Variants in PCDHGA9 observed in about 807,000 individuals in gnomAD.
The protein encoded by PCDHGA9 is protocadherin gamma-A9.
In PCDHGA9, 37 loss-of-function variants were observed where a neutral mutation model predicts 62.5. The ratio of observed to expected loss-of-function variants is 0.59; its 90% CI spans 0.46 to 0.78. The LOEUF is 0.78. Among genes scored for constraint, PCDHGA9 ranks in the 30% least tolerant of loss-of-function variants. The pLI, the probability that PCDHGA9 is intolerant of heterozygous loss-of-function variation, is 0.00. For synonymous variants in PCDHGA9, 459 were observed against 484.6 expected (o/e 0.95, Z 0.69); for missense variants, 1,138 against 1,166.2 (o/e 0.98, Z 0.35).
intron 1 of PCDHGA9, chr5:141,410,564 T>C: frequency 6.2e-7 from 1 of 1,612,612 alleles, no homozygotes; most frequent in Non-Finnish European, 8.5e-7. Context: ...TCCTGGAGCC[T>C]TAATTCCACC....
At chr5:141,418,687 G>T (rs758554600) in intron 1 of PCDHGA9, 1 of 1,613,928 alleles carries the variant, frequency 6.2e-7, no homozygotes, top group African/African-American at 1.3e-5. Context: ...TCAACTCAGA[G>T]ATCACTTATT....
chr5:141,482,514 G>A (rs2099563611), intron 1 of PCDHGA9, among the ~76,000 whole-genome samples: 1 of 130,122 alleles, frequency 7.7e-6, no homozygotes. Flanking sequence ...CCAGAGTACA[G>A]TATGAGACAG....
In PCDHGA9 at chr5:141,488,435, C is replaced by T. The variant is rs111661764; in HGVS notation, c.2425-6372C>T. Among the ~76,000 whole-genome samples, 87 of 152,276 alleles carry T rather than the reference C, an allele frequency of 5.7e-4. 1 individual carries two copies. The highest frequency in any genetic ancestry group is 1.6e-3 in the African/African-American group (67 of 41,546). On this transcript the variant is annotated intron_variant, in intron 1 of 3. Transcript: ENST00000573521. ...AAGCCATCCATGCTTGGCCTCTGAC[C>T]ACCCTCCTGGGTGACCTGATTCAGC...
At position 141,491,265 on chromosome 5, in the gene PCDHGA9, C is replaced by G. The variant is rs868682993; in HGVS notation, c.2425-3542C>G. ...AGGATGAGGACCCTGAGGAAATGCCCAAATCCAGTGACTTCCTCATACACC... is the reference window on the plus strand; with the variant it reads ...AGGATGAGGACCCTGAGGAAATGCCGAAATCCAGTGACTTCCTCATACACC... On this transcript the variant is annotated intron_variant, in intron 1 of 3. Transcript: ENST00000573521. The surrounding 1 kb of genome is among the most constrained non-coding windows in gnomAD (Gnocchi z 6.9). The G allele has an allele frequency of 6.2e-7, 1 of 1,614,074 alleles. No individual in the cohort carries two copies. The highest frequency in any genetic ancestry group is 8.5e-7 in the Non-Finnish European group (1 of 1,179,916).
At position 141,487,447 on chromosome 5, in the gene PCDHGA9, C is replaced by A. The variant is rs758411138; in HGVS notation, c.2425-7360C>A. 4.3e-6 allele frequency: 7 copies of A among 1,614,182 alleles called. No homozygotes were observed. The highest frequency in any genetic ancestry group is 5.9e-6 in the Non-Finnish European group (7 of 1,180,028). Reference sequence around the variant, plus strand: ...TCCGAATCCAGCTAGGGTCAGATGACCCTATCAAGTTTGTTGATGTGGGAG... The same window carrying A: ...TCCGAATCCAGCTAGGGTCAGATGAACCTATCAAGTTTGTTGATGTGGGAG... On this transcript the variant is annotated intron_variant, in intron 1 of 3. Coordinates refer to ENST00000573521, the MANE Select transcript of PCDHGA9 (RefSeq NM_018921.3). The surrounding 1 kb of genome is among the most constrained non-coding windows in gnomAD (Gnocchi z 5.0).
chr5:141,419,121 C>T, intron 1 of PCDHGA9: 5 of 1,613,882 alleles, frequency 3.1e-6, no homozygotes, highest in Non-Finnish European at 3.4e-6. Flanking sequence ...TACAACGTCA[C>T]CATCGCAGCC....
At chr5:141,501,127 T>C (rs2099805755) in intron 2 of PCDHGA9, among the ~76,000 whole-genome samples, 5 of 152,024 alleles carry the variant, frequency 3.3e-5, no homozygotes, top group Non-Finnish European at 7.4e-5. Context: ...TCAGCCTCCC[T>C]AAGTGCTGGG....
rs1485669709 is a variant in PCDHGA9 at position 141,432,989 on chromosome 5, G to A, written c.2424+27613G>A. On this transcript the variant is annotated intron_variant, in intron 1 of 3. Coordinates refer to ENST00000573521, the MANE Select transcript of PCDHGA9 (RefSeq NM_018921.3). The surrounding 1 kb of genome is among the most constrained non-coding windows in gnomAD (Gnocchi z 6.0). ...GCCGGCGTCGCACTTTGTGGGCGTG[G>A]ACGGGGTGCAGGCTTTCCTGCAGAC... The A allele has an allele frequency of 1.9e-6, 3 of 1,614,210 alleles. No individual in the cohort carries two copies. The highest frequency in any genetic ancestry group is 1.3e-5 in the African/African-American group (1 of 75,066).
At chr5:141,468,428 T>C (rs936671539) in intron 1 of PCDHGA9, 11 of 151,374 alleles carry the variant, frequency 7.3e-5, no homozygotes, top group Non-Finnish European at 1.3e-4. Context: ...AGCAAGGTAA[T>C]AGCAAAATGT....
Position 141,485,979 on chromosome 5 carries a change from C to T in PCDHGA9, c.2425-8828C>T. ...CTCATCCAGCTCAATGCCTCAGACC[C>T]GGACCTGGGTCCCAGTGGTAACGTC... is the stretch of plus-strand genomic sequence containing the variant. On this transcript the variant is annotated intron_variant, in intron 1 of 3. Coordinates refer to ENST00000573521, the MANE Select transcript of PCDHGA9 (RefSeq NM_018921.3). The surrounding 1 kb of genome is among the most constrained non-coding windows in gnomAD (Gnocchi z 5.7). The T allele has an allele frequency of 1.2e-6, 2 of 1,614,182 alleles. No individual in the cohort carries two copies. The highest frequency in any genetic ancestry group is 1.7e-6 in the Non-Finnish European group (2 of 1,180,022).
In PCDHGA9 at chr5:141,404,285, A is replaced by T. The variant is rs1195722797; in HGVS notation, c.1333A>T (p.Ile445Phe). Residue 445 changes from isoleucine (I) to phenylalanine (F), a missense_variant, in exon 1 of 4, where the codon ATC becomes TTC. Transcript: ENST00000573521. ...TCACATCACCCTGCAAGTGACTGAC[A>T]TCAATGATAATCCACCTGCTTTCTC... ...EIHITLQVTD[I>F]NDNPPAFSQA... is the part of the protein sequence containing the mutation. 1.9e-6 allele frequency: 3 copies of T among 1,614,026 alleles called. No individual in the cohort carries two copies. Among genetic ancestry groups the T allele is most frequent in the East Asian group, 4.5e-5 (2 of 44,882 alleles).
At chr5:141,481,524 A>G (rs186970700) in intron 1 of PCDHGA9, among the ~76,000 whole-genome samples, 4 of 152,240 alleles carry the variant, frequency 2.6e-5, no homozygotes, top group African/African-American at 9.6e-5. Flanking sequence ...CTCAGTAAAA[A>G]TCTAGAGATG....
Position 141,404,648 on chromosome 5 carries a change from G to C in PCDHGA9, c.1696G>C (p.Ala566Pro), listed in dbSNP as rs1178706213. The C allele has an allele frequency of 6.2e-7, 1 of 1,614,148 alleles. No individual in the cohort carries two copies. Among genetic ancestry groups the C allele is most frequent in the African/African-American group, 1.3e-5 (1 of 75,038 alleles). The change falls in exon 1 of 4, where the codon GCC (alanine) becomes CCC (proline). Residue 566 changes from alanine (A) to proline (P), a missense_variant. Physicochemically the swap from Ala to Pro is conservative, Grantham distance 27. Coordinates refer to ENST00000573521, the MANE Select transcript of PCDHGA9 (RefSeq NM_018921.3). ...NDNAPEILYP[A>P]LPTDGSTGVE... is the part of the protein sequence containing the mutation. ...CAATGCCCCAGAAATCCTGTACCCT[G>C]CCCTCCCCACTGATGGTTCTACTGG...
chr5:141,430,477 A>G (rs1329218924), intron 1 of PCDHGA9: 1 of 244,524 alleles, frequency 4.1e-6, no homozygotes, highest in Non-Finnish European at 7.7e-6. Context: ...TATTTAAGAT[A>G]TAAAAACGAA....
intron 1 of PCDHGA9, chr5:141,427,916 G>T: frequency 1.3e-6 from 2 of 1,578,854 alleles, no homozygotes; most frequent in East Asian, 2.2e-5. Flanking sequence ...GCGCCAACAT[G>T]AGCCGGCGCA....
chr5:141,477,432 C>T lies in PCDHGA9; in HGVS notation c.2425-17375C>T, dbSNP rs1184041591. 6.2e-7 allele frequency: 1 copy of T among 1,614,186 alleles called. No individual in the cohort carries two copies. Among genetic ancestry groups the T allele is most frequent in the Admixed American group, 1.7e-5 (1 of 60,028 alleles). ...GACGCCGGAACCCCTTCCCTCTCAG[C>T]CCTTACAATAGTGCGTGTTCAAGTG... On this transcript the variant is annotated intron_variant, in intron 1 of 3. Transcript: ENST00000573521. This position sits in a 1 kb window ranked among gnomAD's most constrained non-coding sequence, Gnocchi z 4.9.
intron 1 of PCDHGA9, chr5:141,408,797 C>A (rs965305130): frequency 6.2e-7 from 1 of 1,612,958 alleles, no homozygotes; most frequent in African/African-American, 1.3e-5. Context: ...TCTGGAGAAA[C>A]TCCTAGACCG....
At position 141,413,788 on chromosome 5, in the gene PCDHGA9, G is replaced by A. The variant is rs2095678300; in HGVS notation, c.2424+8412G>A. The A allele has an allele frequency of 2.1e-5, 34 of 1,613,166 alleles. No individual in the cohort carries two copies. Among genetic ancestry groups the A allele is most frequent in the Non-Finnish European group, 2.8e-5 (33 of 1,179,876 alleles). ...GGAGCTGGTACTGGAGCACTCCCTA[G>A]ATCGCGAGGAAGAGGCCATTCACCA... is the stretch of plus-strand genomic sequence containing the variant. On this transcript the variant is annotated intron_variant, in intron 1 of 3. Coordinates refer to ENST00000573521, the MANE Select transcript of PCDHGA9 (RefSeq NM_018921.3).
chr5:141,462,007 G>C (rs2099028604), intron 1 of PCDHGA9, among the ~76,000 whole-genome samples: 1 of 152,188 alleles, frequency 6.6e-6, no homozygotes, highest in South Asian at 2.1e-4. Context: ...ATTTTTAATA[G>C]AGACGGGGTT....
Sources: gnomAD v4.1 joint callset for allele counts (sites outside exome capture counted in the v4.1 genomes callset) on GRCh38, gnomAD v4.1.1 for gene constraint, Gnocchi (gnomAD v3.1) non-coding constraint, MANE v1.5 for transcripts, NCBI Gene and HGNC (gene_info 2026-07-23, HGNC 2026-07-21) for gene names.